PRR16: variants seen among roughly 807,000 people sequenced by gnomAD.
The protein encoded by PRR16 is protein Largen.
In PRR16, 6 loss-of-function variants were observed where a neutral mutation model predicts 18.2. That is an observed-to-expected ratio of 0.33 (90% CI 0.18 to 0.65). The LOEUF is 0.65. PRR16 is among the 30% of genes least tolerant of loss of function. PRR16 has a pLI of 0.74. For missense variants in PRR16, 412 were observed against 376.6 expected (o/e 1.09, Z -0.78); for synonymous variants, 151 against 147.8 (o/e 1.02, Z -0.16).
chr5:120,598,582 A>G (rs1437679237), intron 1 of PRR16, among the ~76,000 whole-genome samples: 1 of 151,682 alleles, frequency 6.6e-6, no homozygotes, highest in Non-Finnish European at 1.5e-5. Flanking sequence ...TCCCTCCAAC[A>G]CTGCCCCCTC....
intron 1 of PRR16, among the ~76,000 whole-genome samples, chr5:120,666,669 G>A (rs1195455199): frequency 6.6e-6 from 1 of 150,858 alleles, no homozygotes; most frequent in Admixed American, 6.6e-5. Flanking sequence ...TTAGCATGAA[G>A]GGTTGTTGAA....
the PRR16 span, among the ~76,000 whole-genome samples, chr5:120,703,391 C>A: frequency 6.6e-6 from 1 of 152,220 alleles, no homozygotes. Flanking sequence ...GATGGCTTGG[C>A]TTGGGCTCAG....
intron 1 of PRR16, among the ~76,000 whole-genome samples, chr5:120,500,084 G>T (rs1750396355): frequency 6.6e-6 from 1 of 151,380 alleles, no homozygotes; most frequent in South Asian, 2.1e-4. Context: ...GTTTCTTGAG[G>T]GTTAGACTCT....
chr5:120,743,581 CTTTTAA>C, the PRR16 span, among the ~76,000 whole-genome samples: 6 of 152,016 alleles, frequency 3.9e-5, no homozygotes, highest in Non-Finnish European at 1.5e-5. Context: ...CAAACTTTAT[CTTTTAA>C]TTTTAATTAC....
At chr5:120,716,915 G>C in the PRR16 span, among the ~76,000 whole-genome samples, 1 of 151,966 alleles carries the variant, frequency 6.6e-6, no homozygotes, top group Admixed American at 6.6e-5. Flanking sequence ...CATGGTCCTT[G>C]AATGAATGAG....
At chr5:120,754,020 A>G in the PRR16 span, among the ~76,000 whole-genome samples, 1 of 124,864 alleles carries the variant, frequency 8.0e-6, no homozygotes, top group African/African-American at 3.0e-5. Context: ...TATAATATAT[A>G]AAAGTAAAGA....
chr5:120,722,381 A>G, the PRR16 span, among the ~76,000 whole-genome samples: 2 of 152,062 alleles, frequency 1.3e-5, no homozygotes, highest in African/African-American at 2.4e-5. Flanking sequence ...CTGGCAAGAT[A>G]TATTATGTTA....
chr5:120,492,724 C>T (rs185965936), intron 1 of PRR16, among the ~76,000 whole-genome samples: 76 of 152,198 alleles, frequency 5.0e-4, no homozygotes, highest in African/African-American at 1.6e-3. Flanking sequence ...TGACATCGCC[C>T]ATGAGTCCCC....
chr5:120,608,577 G>A (rs2112801364), intron 1 of PRR16, among the ~76,000 whole-genome samples: 1 of 152,222 alleles, frequency 6.6e-6, no homozygotes, highest in Admixed American at 6.5e-5. Context: ...AGAAAAAAAG[G>A]CTAGAGTTCT....
At chr5:120,512,384 G>A (rs1479717170) in intron 1 of PRR16, among the ~76,000 whole-genome samples, 1 of 152,146 alleles carries the variant, frequency 6.6e-6, no homozygotes, top group East Asian at 1.9e-4. Flanking sequence ...CAATCTTGGA[G>A]AGGAGGTGGC....
intron 1 of PRR16, among the ~76,000 whole-genome samples, chr5:120,615,620 T>G (rs546442539): frequency 6.6e-6 from 1 of 152,192 alleles, no homozygotes; most frequent in East Asian, 1.9e-4. Flanking sequence ...TGTTTTTGAT[T>G]GTTGGTCTTG....
intron 1 of PRR16, among the ~76,000 whole-genome samples, chr5:120,627,904 T>A (rs916837936): frequency 1.3e-5 from 2 of 152,176 alleles, no homozygotes; most frequent in African/African-American, 4.8e-5. Flanking sequence ...TCTTAGTGTT[T>A]GTCTTAAAGA....
chr5:120,568,915 C>T (rs971732851), intron 1 of PRR16, among the ~76,000 whole-genome samples: 1 of 152,014 alleles, frequency 6.6e-6, no homozygotes, highest in Non-Finnish European at 1.5e-5. Context: ...TCCTGACAAA[C>T]AAACACAATA....
intron 1 of PRR16, among the ~76,000 whole-genome samples, chr5:120,622,528 G>T (rs1040428281): frequency 6.6e-6 from 1 of 151,798 alleles, no homozygotes; most frequent in East Asian, 1.9e-4. Flanking sequence ...CGCCAGGCTG[G>T]AGTGCAATGG....
chr5:120,777,867 A>G, the PRR16 span, among the ~76,000 whole-genome samples: 1 of 152,148 alleles, frequency 6.6e-6, no homozygotes, highest in Non-Finnish European at 1.5e-5. Context: ...TCATGGAAGT[A>G]AAAGAGAAAA....
At chr5:120,623,930 A>T (rs1253922308) in intron 1 of PRR16, among the ~76,000 whole-genome samples, 1 of 151,970 alleles carries the variant, frequency 6.6e-6, no homozygotes, top group African/African-American at 2.4e-5. Flanking sequence ...TTATTTGTAT[A>T]TAACAACTAT....
the PRR16 span, among the ~76,000 whole-genome samples, chr5:120,784,325 A>G: frequency 2.0e-5 from 3 of 152,176 alleles, no homozygotes; most frequent in Non-Finnish European, 4.4e-5. Context: ...CATTCCTACC[A>G]ACAGTGTACG....
intron 1 of PRR16, among the ~76,000 whole-genome samples, chr5:120,637,336 A>AAAAC (rs1554090481): frequency 6.6e-6 from 1 of 150,552 alleles, no homozygotes; most frequent in Non-Finnish European, 1.5e-5. Flanking sequence ...AAAAAAAAAA[A>AAAAC]AAAAAAACTT....
intron 1 of PRR16, among the ~76,000 whole-genome samples, chr5:120,546,785 G>C (rs1752086956): frequency 6.6e-6 from 1 of 151,952 alleles, no homozygotes; most frequent in African/African-American, 2.4e-5. Flanking sequence ...AAGGGTTCTT[G>C]GCTTCACCCA....
Sources: gnomAD v4.1 joint callset for allele counts (sites outside exome capture counted in the v4.1 genomes callset) on GRCh38, gnomAD v4.1.1 for gene constraint, MANE v1.5 for transcripts, NCBI Gene and HGNC (gene_info 2026-07-23, HGNC 2026-07-21) for gene names.